CCDC150: variants seen among roughly 807,000 people sequenced by gnomAD.
CCDC150 encodes the protein coiled-coil domain-containing protein 150.
CCDC150 carries 151 observed loss-of-function variants against 156.5 expected under a neutral mutation model. The observed-to-expected ratio is 0.97, with a 90% CI of 0.85 to 1.10. The LOEUF (loss-of-function observed/expected upper bound fraction) is 1.10, where lower values mean the gene tolerates loss of function less well. Ranked by LOEUF, CCDC150 falls within the 50% of genes least tolerant of loss-of-function variation. The pLI is 0.00. For synonymous variants in CCDC150, 452 were observed against 429.4 expected, an observed-to-expected ratio of 1.05 and a Z score of -0.65; for missense variants, 1,312 against 1,268.1, an observed-to-expected ratio of 1.03 and a Z score of -0.53.
At chr2:196,687,636 C>A (rs1017169974) in intron 13 of CCDC150, among the ~76,000 whole-genome samples, 4 of 152,124 alleles carry the variant, frequency 2.6e-5, no homozygotes, top group Non-Finnish European at 5.9e-5. Context: ...GCTTTCGTTG[C>A]GATTGCTTTT....
intron 13 of CCDC150, among the ~76,000 whole-genome samples, chr2:196,679,945 A>G (rs888389279): frequency 1.3e-5 from 2 of 152,142 alleles, no homozygotes; most frequent in Admixed American, 1.3e-4. Context: ...TTTTAAATTC[A>G]GTTGTTTTTC....
intron 2 of CCDC150, among the ~76,000 whole-genome samples, chr2:196,655,975 C>T (rs1397891403): frequency 6.6e-6 from 1 of 152,108 alleles, no homozygotes; most frequent in African/African-American, 2.4e-5. Flanking sequence ...TTGTATGAAG[C>T]TCAACTGGTA....
In CCDC150 at chr2:196,639,761, G is replaced by T; in HGVS notation, c.-6G>T. On this transcript the variant is annotated 5_prime_UTR_variant, in exon 1 of 28. Coordinates refer to ENST00000389175, the MANE Select transcript of CCDC150 (RefSeq NM_001080539.2). ...CCTGCTGCAGTACGGAGCCTCAGGC[G>T]GACAGATGGACTGTAAGGTGAGGCT... is the stretch of plus-strand genomic sequence containing the variant. The T allele has an allele frequency of 1.9e-6, 3 of 1,574,666 alleles. No individual in the cohort carries two copies. The highest frequency in any genetic ancestry group is 1.7e-6 in the Non-Finnish European group (2 of 1,156,178).
chr2:196,722,104 A>T (rs891553983), intron 21 of CCDC150, among the ~76,000 whole-genome samples: 4 of 152,214 alleles, frequency 2.6e-5, no homozygotes, highest in Non-Finnish European at 4.4e-5. Flanking sequence ...TTAAGCCATT[A>T]AATGTTTTCA....
chr2:196,720,513 A>G (rs1348525542), intron 19 of CCDC150, 62 bp from the exon 20 acceptor site: 1 of 1,371,734 alleles, frequency 7.3e-7, no homozygotes, highest in Non-Finnish European at 1.0e-6. Flanking sequence ...GTAACTCCCA[A>G]ATGGTATCAT....
Position 196,718,601 on chromosome 2 carries a change from C to T in CCDC150, c.1965C>T (p.Leu655=), listed in dbSNP as rs370213535. 5.6e-5 allele frequency: 90 copies of T among 1,613,406 alleles called. No homozygotes were observed. Among genetic ancestry groups the T allele is most frequent in the South Asian group, 3.4e-4 (31 of 91,042 alleles). Residue 655 remains leucine, a synonymous_variant, in exon 18 of 28, where the codon CTC becomes CTT. Transcript: ENST00000389175. Reference sequence around the variant, plus strand: ...AGAGTCAGAAGTTGAAAGAAGACCTCGAGGCTGTGGAGGACAGGGAAAACA... The same window carrying T: ...AGAGTCAGAAGTTGAAAGAAGACCTTGAGGCTGTGGAGGACAGGGAAAACA... ...LKESQKLKED[L]EAVEDRENKK...
intron 13 of CCDC150, among the ~76,000 whole-genome samples, chr2:196,689,670 A>G (rs913511981): frequency 6.6e-6 from 1 of 151,594 alleles, no homozygotes; most frequent in Non-Finnish European, 1.5e-5. Flanking sequence ...TTTTCTAGAT[A>G]TACAATCATG....
intron 17 of CCDC150, 60 bp downstream of exon 17, chr2:196,712,799 C>G (rs931909439): frequency 1.0e-5 from 12 of 1,189,628 alleles, no homozygotes; most frequent in Middle Eastern, 1.9e-4. Flanking sequence ...AAAAACCTTT[C>G]ATAGTTCACA....
intron 1 of CCDC150, among the ~76,000 whole-genome samples, chr2:196,645,296 GC>G (rs1195751669): frequency 6.6e-6 from 1 of 152,110 alleles, no homozygotes; most frequent in Non-Finnish European, 1.5e-5. Flanking sequence ...ATGAATTCTT[GC>G]CCTGGGTCCC....
chr2:196,709,214 T>C (rs1696903495), intron 15 of CCDC150, among the ~76,000 whole-genome samples: 1 of 152,202 alleles, frequency 6.6e-6, no homozygotes, highest in South Asian at 2.1e-4. Flanking sequence ...TTTTACTCTT[T>C]TTTCTCTAAA....
intron 3 of CCDC150, 37 bp downstream of exon 3, chr2:196,656,890 A>G (rs761501426): frequency 9.9e-6 from 16 of 1,610,888 alleles, no homozygotes; most frequent in Non-Finnish European, 1.4e-5. Flanking sequence ...GTGGTCCTGT[A>G]TAGGTGCTTG....
chr2:196,694,522 G>GA (rs1361476620), intron 13 of CCDC150, among the ~76,000 whole-genome samples: 2 of 152,094 alleles, frequency 1.3e-5, no homozygotes, highest in African/African-American at 2.4e-5. Context: ...GTTCTTTTTA[G>GA]AAAAAATGTT....
chr2:196,685,541 T>G (rs987314250), intron 13 of CCDC150, among the ~76,000 whole-genome samples: 3 of 152,102 alleles, frequency 2.0e-5, no homozygotes, highest in African/African-American at 7.2e-5. Context: ...GGGAATGTCT[T>G]AATTTCTCTG....
intron 1 of CCDC150, among the ~76,000 whole-genome samples, chr2:196,643,787 A>G (rs570427430): frequency 6.6e-6 from 1 of 152,278 alleles, no homozygotes; most frequent in Admixed American, 6.5e-5. Context: ...CCTCTCCAGC[A>G]CTGCTTGTCA....
chr2:196,641,120 G>A (rs968432120), intron 1 of CCDC150, among the ~76,000 whole-genome samples: 1 of 150,616 alleles, frequency 6.6e-6, no homozygotes, highest in East Asian at 2.0e-4. Context: ...ACGCCACCAC[G>A]CCCGGCTAAT....
intron 2 of CCDC150, among the ~76,000 whole-genome samples, chr2:196,653,252 A>G (rs1052028290): frequency 6.6e-6 from 1 of 152,246 alleles, no homozygotes; most frequent in African/African-American, 2.4e-5. Flanking sequence ...GCTAGGCTGT[A>G]AATTTTCCAA....
At chr2:196,696,036 A>G (rs912036071) in intron 14 of CCDC150, among the ~76,000 whole-genome samples, 2 of 152,198 alleles carry the variant, frequency 1.3e-5, no homozygotes, top group Non-Finnish European at 2.9e-5. Context: ...TCATTACTTC[A>G]ACTATGAAAA....
chr2:196,683,176 G>T (rs971294788), intron 13 of CCDC150, among the ~76,000 whole-genome samples: 1 of 151,930 alleles, frequency 6.6e-6, no homozygotes, highest in Non-Finnish European at 1.5e-5. Context: ...TGTTCATCAG[G>T]ATTAGAAAAT....
chr2:196,701,617 A>G (rs1400854382), intron 15 of CCDC150, among the ~76,000 whole-genome samples: 1 of 152,198 alleles, frequency 6.6e-6, no homozygotes, highest in Non-Finnish European at 1.5e-5. Context: ...CCTGCAACTG[A>G]TATAGGTAAG....
Sources: allele counts gnomAD v4.1 joint callset (sites outside exome capture counted in the v4.1 genomes callset), GRCh38; gene constraint gnomAD v4.1.1; transcripts MANE v1.5; gene names NCBI Gene and HGNC (gene_info 2026-07-23, HGNC 2026-07-21).